Variants in TRIM5 observed in about 807,000 individuals in gnomAD.
TRIM5 encodes the protein tripartite motif containing 5.
Under a neutral mutation model 35.6 loss-of-function variants are expected in TRIM5, and 31 were observed. That is an observed-to-expected ratio of 0.87 (90% confidence interval 0.65 to 1.18). TRIM5 has a LOEUF of 1.18. Ranked by LOEUF, TRIM5 falls within the 50% of genes most tolerant of loss-of-function variation. TRIM5 has a pLI of 0.00. For synonymous variants in TRIM5, 243 were observed against 215.6 expected (o/e 1.13, Z -1.11); for missense variants, 609 against 591.6 (o/e 1.03, Z -0.31).
chr11:5,661,682 G>C (rs1337821623), downstream of TRIM5, among the ~76,000 whole-genome samples: 1 of 152,168 alleles, frequency 6.6e-6, no homozygotes, highest in African/African-American at 2.4e-5. Context: ...CACAGGCAGA[G>C]AGAAAATCCA....
the TRIM5 span, chr11:5,632,514 C>T: frequency 6.2e-7 from 1 of 1,613,922 alleles, no homozygotes; most frequent in South Asian, 1.1e-5. Context: ...TGTGTGGTAT[C>T]AGTTACTCAT....
At chr11:5,615,597 GTTGT>G in the TRIM5 span, among the ~76,000 whole-genome samples, 7 of 133,284 alleles carry the variant, frequency 5.3e-5, no homozygotes, top group South Asian at 6.6e-4. Flanking sequence ...TGTTGTTGTT[GTTGT>G]TTGTTTGTTT....
At chr11:5,610,150 A>G in the TRIM5 span, 1 of 1,613,920 alleles carries the variant, frequency 6.2e-7, no homozygotes, top group African/African-American at 1.3e-5. Flanking sequence ...TCTAGGAGTG[A>G]GTTCTGGACC....
chr11:5,633,681 C>A, the TRIM5 span: 2 of 913,294 alleles, frequency 2.2e-6, no homozygotes, highest in African/African-American at 1.7e-5. Context: ...ATTCTAATCA[C>A]CAGCTTCACA....
At chr11:5,652,541 A>T in the TRIM5 span, among the ~76,000 whole-genome samples, 1 of 152,154 alleles carries the variant, frequency 6.6e-6, no homozygotes, top group Non-Finnish European at 1.5e-5. Flanking sequence ...CTTTTAAACC[A>T]GTACCATACT....
At chr11:5,608,518 G>T in the TRIM5 span, 5 of 1,418,034 alleles carry the variant, frequency 3.5e-6, no homozygotes, top group Non-Finnish European at 1.9e-6. Context: ...CTTGAATCGC[G>T]CATCACATGG....
chr11:5,613,612 G>A, the TRIM5 span, among the ~76,000 whole-genome samples: 1 of 152,190 alleles, frequency 6.6e-6, no homozygotes, highest in African/African-American at 2.4e-5. Flanking sequence ...ATCTGCTGGA[G>A]TAGTTATCCC....
chr11:5,667,654 G>A, intron 5 of TRIM5, 35 bp downstream of exon 5: 1 of 1,610,146 alleles, frequency 6.2e-7, no homozygotes, highest in Non-Finnish European at 8.5e-7. Context: ...TCTCCTCACT[G>A]CACAAAAGGA....
At chr11:5,667,281 A>C (rs759580987) in intron 5 of TRIM5, among the ~76,000 whole-genome samples, 1 of 152,064 alleles carries the variant, frequency 6.6e-6, no homozygotes, top group East Asian at 1.9e-4. Flanking sequence ...GTCTTGGCTC[A>C]CTGCAACCTC....
chr11:5,683,247 G>C (rs1010507890), intron 1 of TRIM5, among the ~76,000 whole-genome samples: 18 of 152,208 alleles, frequency 1.2e-4, no homozygotes, highest in African/African-American at 2.4e-5. Flanking sequence ...CCTGCTCCAC[G>C]GCGCCCAGTC....
At chr11:5,635,008 C>A in the TRIM5 span, 1 of 783,066 alleles carries the variant, frequency 1.3e-6, no homozygotes, top group Non-Finnish European at 1.9e-6. Flanking sequence ...ACATGAATGA[C>A]ATTTTTATTA....
the TRIM5 span, among the ~76,000 whole-genome samples, chr11:5,598,720 T>C: frequency 1.6e-3 from 243 of 152,376 alleles, no homozygotes; most frequent in African/African-American, 5.6e-3. Context: ...TCTGGCTACA[T>C]GTTTGACAAC....
chr11:5,678,276 C>G lies in TRIM5; in HGVS notation c.672G>C (p.Gln224His). 6.2e-7 allele frequency: 1 copy of G among 1,614,168 alleles called. No homozygotes were observed. Among genetic ancestry groups the G allele is most frequent in the Non-Finnish European group, 8.5e-7 (1 of 1,179,998 alleles). The change falls in exon 4 of 8, where the codon CAG becomes CAC. Residue 224 changes from glutamine (Q) to histidine (H), a missense_variant. By Grantham distance (24) the Gln-to-His change is conservative (BLOSUM62 0). Transcript: ENST00000380034. Reference sequence around the variant, plus strand: ...AGATGAGCTCTCTCAGGGACTGGGTCTGCTGCACCATCTCAGTTTCAGAGT... The same window carrying G: ...AGATGAGCTCTCTCAGGGACTGGGTGTGCTGCACCATCTCAGTTTCAGAGT... The part of the protein sequence containing the change: ...LTNSETEMVQ[Q>H]TQSLRELISD...
At chr11:5,610,641 A>G in the TRIM5 span, 2 of 1,576,026 alleles carry the variant, frequency 1.3e-6, no homozygotes, top group Non-Finnish European at 1.7e-6. Flanking sequence ...AGCCACACAG[A>G]TCCTAGGTGT....
chr11:5,683,572 G>A (rs1235710511), intron 1 of TRIM5, among the ~76,000 whole-genome samples: 3 of 151,708 alleles, frequency 2.0e-5, no homozygotes, highest in African/African-American at 7.3e-5. Flanking sequence ...TCTAGCTCAA[G>A]GTTTGTAAAC....
At chr11:5,591,922 C>T in the TRIM5 span, among the ~76,000 whole-genome samples, 1 of 152,172 alleles carries the variant, frequency 6.6e-6, no homozygotes, top group African/African-American at 2.4e-5. Flanking sequence ...TGAAAAACAG[C>T]TCACAACTAT....
the TRIM5 span, chr11:5,590,158 C>G: frequency 6.4e-6 from 1 of 156,030 alleles, no homozygotes. Flanking sequence ...CGTGAGCCTT[C>G]CCCCGCCTCC....
the TRIM5 span, among the ~76,000 whole-genome samples, chr11:5,592,948 AAAG>A: frequency 5.9e-5 from 8 of 134,582 alleles, no homozygotes; most frequent in South Asian, 4.3e-4. Context: ...GAAAAAGAAA[AAAG>A]AAGAAAAAAT....
the TRIM5 span, chr11:5,610,351 A>G: frequency 1.1e-4 from 181 of 1,574,254 alleles, no homozygotes; most frequent in Non-Finnish European, 1.5e-4. Flanking sequence ...GCAAAGAGGG[A>G]GGTCCCAGAG....
Sources: allele counts gnomAD v4.1 joint callset (sites outside exome capture counted in the v4.1 genomes callset), GRCh38; gene constraint gnomAD v4.1.1; transcripts MANE v1.5; gene names NCBI Gene and HGNC (gene_info 2026-07-23, HGNC 2026-07-21).